Variants in TOX observed in about 807,000 individuals in gnomAD.
The protein encoded by TOX is thymocyte selection-associated high mobility group box protein TOX.
A neutral mutation model predicts 53.7 loss-of-function variants in TOX; 11 were observed. The ratio of observed to expected loss-of-function variants is 0.20; its 90% confidence interval spans 0.13 to 0.34. The LOEUF is 0.34. Ranked by LOEUF, TOX falls within the 10% of genes least tolerant of loss-of-function variation. TOX has a pLI of 1.00. For missense variants in TOX, 570 were observed against 664.6 expected, an observed-to-expected ratio of 0.86 and a Z score of 1.56; for synonymous variants, 225 against 245.3, an observed-to-expected ratio of 0.92 and a Z score of 0.77.
intron 2 of TOX, among the ~76,000 whole-genome samples, chr8:58,941,175 G>A (rs1296659045): frequency 1.3e-5 from 2 of 152,094 alleles, no homozygotes; most frequent in African/African-American, 2.4e-5. Flanking sequence ...ATTCTCACTC[G>A]TCTGATATAC....
chr8:59,009,808 G>A (rs17301580), intron 1 of TOX, among the ~76,000 whole-genome samples: 2 of 152,204 alleles, frequency 1.3e-5, no homozygotes, highest in African/African-American at 4.8e-5. Context: ...TAAAAAGTTA[G>A]CAACTCCTAG....
At chr8:59,029,120 T>C (rs1435533765) in intron 1 of TOX, among the ~76,000 whole-genome samples, 2 of 152,152 alleles carry the variant, frequency 1.3e-5, no homozygotes, top group East Asian at 1.9e-4. Flanking sequence ...TGAAAACAAA[T>C]GGCACTATAA....
At chr8:59,101,546 T>C (rs1269952428) in intron 1 of TOX, among the ~76,000 whole-genome samples, 6 of 152,202 alleles carry the variant, frequency 3.9e-5, no homozygotes, top group African/African-American at 1.2e-4. Flanking sequence ...TAGTATTCAT[T>C]CTCCTAGACT....
chr8:58,904,489 C>A (rs941944609), intron 3 of TOX, among the ~76,000 whole-genome samples: 2 of 152,138 alleles, frequency 1.3e-5, no homozygotes, highest in Admixed American at 6.6e-5. Context: ...ACCATTTCCA[C>A]CTGTGGTTGA....
intron 3 of TOX, among the ~76,000 whole-genome samples, chr8:58,896,472 C>T (rs1811648765): frequency 1.3e-5 from 2 of 151,976 alleles, no homozygotes; most frequent in Non-Finnish European, 2.9e-5. Flanking sequence ...GGTCAGGAGA[C>T]TGAGACCCTC....
chr8:58,994,077 A>C (rs1813508743), intron 1 of TOX, among the ~76,000 whole-genome samples: 1 of 152,190 alleles, frequency 6.6e-6, no homozygotes, highest in South Asian at 2.1e-4. Context: ...TAAAACAGCC[A>C]GAAAGTGCAA....
At position 58,838,265 on chromosome 8, in the gene TOX, G is replaced by A. The variant is rs752063369; in HGVS notation, c.740C>T (p.Pro247Leu). Residue 247 changes from proline (P) to leucine (L), a missense_variant, in exon 5 of 9, where the codon CCA becomes CTA. Pro to Leu is a moderately conservative substitution (Grantham distance 98, BLOSUM62 -3). Coordinates refer to ENST00000361421, the MANE Select transcript of TOX (RefSeq NM_014729.3). ...CTTCTTCTTCTTTTTGGGAGTTTTT[G>A]GTTTTTTCCCCATATCAGAGGCAGG... ...KRPASDMGKKPKTPKKKKKKD... is the reference protein window; with the variant it reads ...KRPASDMGKKLKTPKKKKKKD... The A allele has an allele frequency of 1.2e-6, 2 of 1,613,960 alleles. No homozygotes were observed. Among genetic ancestry groups the A allele is most frequent in the Non-Finnish European group, 1.7e-6 (2 of 1,179,990 alleles).
intron 3 of TOX, among the ~76,000 whole-genome samples, chr8:58,898,313 T>C (rs567706056): frequency 2.6e-3 from 121 of 45,890 alleles, no homozygotes; most frequent in African/African-American, 0.013. Context: ...TGATTAATGT[T>C]TGATCTATTC....
intron 1 of TOX, among the ~76,000 whole-genome samples, chr8:59,038,884 C>T (rs1803519556): frequency 6.6e-6 from 1 of 152,240 alleles, no homozygotes; most frequent in African/African-American, 2.4e-5. Flanking sequence ...CAGCGTCCTG[C>T]TCTCCTGCAG....
chr8:59,003,841 A>G (rs1813740725), intron 1 of TOX, among the ~76,000 whole-genome samples: 2 of 152,262 alleles, frequency 1.3e-5, no homozygotes, highest in South Asian at 2.1e-4. Flanking sequence ...GTTTAAGCAC[A>G]AACATGGTCA....
At chr8:59,103,418 A>G (rs765394718) in intron 1 of TOX, among the ~76,000 whole-genome samples, 5 of 152,248 alleles carry the variant, frequency 3.3e-5, no homozygotes, top group Non-Finnish European at 5.9e-5. Context: ...AAGCAGTAGA[A>G]CTATAGAACA....
At chr8:58,815,219 A>C in intron 7 of TOX, 119 bp downstream of exon 7, 1 of 1,338,512 alleles carries the variant, frequency 7.5e-7, no homozygotes, top group Non-Finnish European at 9.9e-7. Flanking sequence ...TCTTGACTTA[A>C]ATAGAAGGAT....
intron 5 of TOX, among the ~76,000 whole-genome samples, chr8:58,832,059 T>C (rs2129166337): frequency 6.6e-6 from 1 of 150,978 alleles, no homozygotes; most frequent in East Asian, 1.9e-4. Flanking sequence ...CAAATGCTTA[T>C]GCCCATAAAG....
At chr8:58,834,896 G>A (rs907138197) in intron 5 of TOX, among the ~76,000 whole-genome samples, 1 of 152,180 alleles carries the variant, frequency 6.6e-6, no homozygotes, top group Non-Finnish European at 1.5e-5. Flanking sequence ...GATAGGTTAT[G>A]TTGAACTTCT....
chr8:58,959,067 C>T (rs2129178352), intron 2 of TOX, among the ~76,000 whole-genome samples: 1 of 152,294 alleles, frequency 6.6e-6, no homozygotes, highest in Non-Finnish European at 1.5e-5. Flanking sequence ...GAATTACTAA[C>T]ATATGAAATT....
chr8:59,086,864 T>C (rs1042879850), intron 1 of TOX, among the ~76,000 whole-genome samples: 2 of 152,252 alleles, frequency 1.3e-5, no homozygotes, highest in Admixed American at 1.3e-4. Flanking sequence ...ATTTATTTCT[T>C]GGATTAGTGC....
intron 1 of TOX, among the ~76,000 whole-genome samples, chr8:58,999,592 T>C (rs1477355662): frequency 6.6e-6 from 1 of 152,170 alleles, no homozygotes; most frequent in African/African-American, 2.4e-5. Context: ...ATTAAATGCA[T>C]AGAGGTTTGA....
At chr8:58,959,858 T>C (rs1333391440) in intron 2 of TOX, 85 bp downstream of exon 2, 5 of 1,355,910 alleles carry the variant, frequency 3.7e-6, no homozygotes, top group Non-Finnish European at 5.3e-6. Context: ...CGGCAGTTAC[T>C]GATAGTGCTA....
chr8:59,077,419 TAA>T lies in TOX; in HGVS notation c.102+41465_102+41466del, dbSNP rs1049189881. ...TGTCTTCTTAGGTTAGTTTTTATCA[TAA>T]AGTCTCTGTAGGAGTGAGGTCATTC... On this transcript the variant is annotated intron_variant, in intron 1 of 8. Transcript: ENST00000361421. 7.2e-4 allele frequency among the ~76,000 whole-genome samples: 110 copies of T among 152,328 alleles called. 1 individual carries two copies. The highest frequency in any genetic ancestry group is 3.4e-3 in the Middle Eastern group (1 of 294).
Sources: allele counts gnomAD v4.1 joint callset (sites outside exome capture counted in the v4.1 genomes callset), GRCh38; gene constraint gnomAD v4.1.1; transcripts MANE v1.5; gene names NCBI Gene and HGNC (gene_info 2026-07-23, HGNC 2026-07-21).